The following CNTN4 variants were observed in gnomAD, a reference collection of about 807,000 sequenced individuals.
The protein encoded by CNTN4 is contactin 4.
A neutral mutation model predicts 122.5 loss-of-function variants in CNTN4; 77 were observed. The observed-to-expected ratio is 0.63, with a 90% CI of 0.52 to 0.76. The LOEUF is 0.76. Ranked by LOEUF, CNTN4 falls within the 30% of genes least tolerant of loss-of-function variation. The probability of loss-of-function intolerance (pLI) is 0.00; values close to 1 mark genes in which losing one functional copy is unlikely to be tolerated. For missense variants in CNTN4, 1,256 were observed against 1,259.1 expected, an observed-to-expected ratio of 1.00 and a Z score of 0.04; for synonymous variants, 512 against 447.0, an observed-to-expected ratio of 1.15 and a Z score of -1.83.
Position 2,267,433 on chromosome 3 carries a change from A to G in CNTN4, c.-144-71745A>G, listed in dbSNP as rs145486764. ...ATGTATACAAATCAAAGCAGGAGAG[A>G]TTCATTTGGAATGAAAGGAATATTT... On this transcript the variant is annotated intron_variant, in intron 2 of 24. Coordinates refer to ENST00000418658, the MANE Select transcript of CNTN4 (RefSeq NM_175607.3). Among the ~76,000 whole-genome samples, 860 of 152,206 alleles carry G rather than the reference A, an allele frequency of 5.7e-3. 14 individuals carry two copies. The highest frequency in any genetic ancestry group is 0.02 in the African/African-American group (819 of 41,538).
At chr3:3,037,489 A>G in intron 18 of CNTN4, 161 bp downstream of exon 18, 3 of 966,784 alleles carry the variant, frequency 3.1e-6, no homozygotes, top group Non-Finnish European at 4.9e-6. Flanking sequence ...GGAGAAGCCC[A>G]GCTGAACACG....
chr3:2,364,428 C>T (rs2045290358), intron 3 of CNTN4, among the ~76,000 whole-genome samples: 1 of 152,042 alleles, frequency 6.6e-6, no homozygotes, highest in African/African-American at 2.4e-5. Flanking sequence ...TAAGGGTTGG[C>T]ACAGCAGGGA....
intron 2 of CNTN4, among the ~76,000 whole-genome samples, chr3:2,337,846 T>C (rs1475273414): frequency 6.6e-6 from 1 of 152,072 alleles, no homozygotes; most frequent in East Asian, 1.9e-4. Flanking sequence ...ATAATTTTAA[T>C]TGTTATTGAT....
intron 14 of CNTN4, among the ~76,000 whole-genome samples, chr3:3,007,193 A>G (rs1019598474): frequency 1.3e-5 from 2 of 152,258 alleles, no homozygotes; most frequent in African/African-American, 4.8e-5. Flanking sequence ...CTCAGCAGAC[A>G]AAACTGTTCA....
At chr3:2,734,206 G>A (rs976037399) in intron 4 of CNTN4, among the ~76,000 whole-genome samples, 6 of 151,962 alleles carry the variant, frequency 3.9e-5, no homozygotes, top group East Asian at 3.9e-4. Context: ...GACTAGAGGC[G>A]CATGCCACCA....
At chr3:2,840,694 G>A (rs569307705) in intron 7 of CNTN4, among the ~76,000 whole-genome samples, 219 of 150,948 alleles carry the variant, frequency 1.5e-3, no homozygotes, top group African/African-American at 4.8e-3. Flanking sequence ...GCGACACTCC[G>A]TCTCCAAAAA....
At chr3:2,626,910 G>T (rs6803088) in intron 4 of CNTN4, among the ~76,000 whole-genome samples, 40,115 of 152,142 alleles carry the variant, frequency 0.26, 7,101 homozygotes, top group African/African-American at 0.48. Context: ...GGGATGCCAT[G>T]CAAGGGCAGT....
chr3:2,414,181 A>G (rs900514422), intron 3 of CNTN4, among the ~76,000 whole-genome samples: 1 of 152,182 alleles, frequency 6.6e-6, no homozygotes, highest in Non-Finnish European at 1.5e-5. Context: ...GTAGATACCA[A>G]AGGTCCATGG....
chr3:2,805,169 C>A (rs931206874), intron 6 of CNTN4, among the ~76,000 whole-genome samples: 5 of 151,668 alleles, frequency 3.3e-5, no homozygotes, highest in Non-Finnish European at 5.9e-5. Flanking sequence ...AAGAACAAAA[C>A]TCTGTCTTAA....
intron 17 of CNTN4, among the ~76,000 whole-genome samples, chr3:3,035,305 C>CAAAA: frequency 1.6e-5 from 1 of 64,468 alleles, no homozygotes; most frequent in Non-Finnish European, 3.2e-5. Context: ...GACTCCGTCT[C>CAAAA]AAAAAAAAAA....
rs530654313 is a variant in CNTN4, at chr3:2,485,253, G to A, written c.-88-86163G>A. Reference sequence around the variant, plus strand: ...CAGACAGCACCTCCCCCTGCTCCGCGGTGCCCGGTCCCATCGACTGCCCAA... The same window carrying A: ...CAGACAGCACCTCCCCCTGCTCCGCAGTGCCCGGTCCCATCGACTGCCCAA... On this transcript the variant is annotated intron_variant, in intron 3 of 24. Coordinates refer to ENST00000418658, the MANE Select transcript of CNTN4 (RefSeq NM_175607.3). Among the ~76,000 whole-genome samples, 24 of 152,338 alleles carry A rather than the reference G, an allele frequency of 1.6e-4. 1 individual carries two copies. Among genetic ancestry groups the A allele is most frequent in the Non-Finnish European group, 1.3e-4 (9 of 68,026 alleles).
At chr3:2,743,693 C>G (rs1186908730) in intron 5 of CNTN4, among the ~76,000 whole-genome samples, 1 of 152,166 alleles carries the variant, frequency 6.6e-6, no homozygotes, top group Non-Finnish European at 1.5e-5. Flanking sequence ...TTTTAGATGG[C>G]TAAAGTGAGA....
intron 6 of CNTN4, among the ~76,000 whole-genome samples, chr3:2,791,194 ATTATTG>A (rs1285339186): frequency 6.6e-6 from 1 of 152,136 alleles, no homozygotes; most frequent in Non-Finnish European, 1.5e-5. Context: ...TAATGGTGGT[ATTATTG>A]TTATTTTTAT....
chr3:2,458,326 C>T (rs747114886), intron 3 of CNTN4, among the ~76,000 whole-genome samples: 3 of 152,024 alleles, frequency 2.0e-5, no homozygotes, highest in African/African-American at 4.8e-5. Context: ...AAAAAATGAA[C>T]GATGTTTTAT....
intron 3 of CNTN4, among the ~76,000 whole-genome samples, chr3:2,346,217 A>G (rs2044392856): frequency 6.6e-6 from 1 of 151,978 alleles, no homozygotes; most frequent in Admixed American, 6.6e-5. Context: ...CGGACGTTTC[A>G]CTGTTTTCAT....
At chr3:2,513,491 T>C (rs1034582093) in intron 3 of CNTN4, among the ~76,000 whole-genome samples, 2 of 152,180 alleles carry the variant, frequency 1.3e-5, no homozygotes, top group Non-Finnish European at 2.9e-5. Context: ...CTTTTGAGTT[T>C]CGATTTCTTT....
intron 6 of CNTN4, among the ~76,000 whole-genome samples, chr3:2,759,914 A>T (rs562796737): frequency 9.2e-5 from 14 of 152,270 alleles, no homozygotes; most frequent in Admixed American, 2.0e-4. Context: ...TTAGATTTGC[A>T]TTTCCCACAT....
chr3:2,813,338 A>C (rs1219534517), intron 6 of CNTN4, among the ~76,000 whole-genome samples: 1 of 152,200 alleles, frequency 6.6e-6, no homozygotes, highest in Admixed American at 6.5e-5. Context: ...ACTGGTGCTG[A>C]CAATTTCTTG....
rs867710935 is a variant in CNTN4, at chr3:2,481,095, T to C, written c.-88-90321T>C. 6.1e-3 allele frequency among the ~76,000 whole-genome samples: 635 copies of C among 104,362 alleles called. 5 individuals are homozygous for C. The highest frequency in any genetic ancestry group is 0.023 in the African/African-American group (487 of 21,188). The allele number at this position is 104,362 out of a possible 152,430, so 68.5% of individuals were successfully genotyped here. On this transcript the variant is annotated intron_variant, in intron 3 of 24. Transcript: ENST00000418658. ...TCTCTTTCTCTCTTTCTCTCTTTCT[T>C]TCTTTCTTTCTCTCTTTCTCTCTTT... is the stretch of plus-strand genomic sequence containing the variant.
Sources: gnomAD v4.1 joint callset for allele counts (sites outside exome capture counted in the v4.1 genomes callset) on GRCh38, gnomAD v4.1.1 for gene constraint, MANE v1.5 for transcripts, NCBI Gene and HGNC (gene_info 2026-07-23, HGNC 2026-07-21) for gene names.